SGCD: variants seen among roughly 807,000 people sequenced by gnomAD.
SGCD encodes sarcoglycan delta, also known as delta-sarcoglycan.
A neutral mutation model predicts 36.6 loss-of-function variants in SGCD; 18 were observed. That is an observed-to-expected ratio of 0.49 (90% CI 0.34 to 0.73). The LOEUF is 0.73. Among genes scored for constraint, SGCD ranks in the 30% least tolerant of loss-of-function variants. The pLI is 0.01. For missense variants in SGCD, 387 were observed against 346.7 expected (o/e 1.12, Z -0.92); for synonymous variants, 133 against 130.6 (o/e 1.02, Z -0.12).
intron 3 of SGCD, among the ~76,000 whole-genome samples, chr5:156,317,475 G>T (rs569190943): frequency 1.3e-5 from 2 of 152,032 alleles, no homozygotes; most frequent in African/African-American, 4.8e-5. Flanking sequence ...AAACATGATC[G>T]CAATTTCAAA....
the SGCD span, among the ~76,000 whole-genome samples, chr5:155,775,407 G>A: frequency 1.3e-5 from 2 of 152,072 alleles, no homozygotes; most frequent in Non-Finnish European, 2.9e-5. Flanking sequence ...AGAAACCCAT[G>A]AGACAGAGAC....
chr5:156,146,136 C>T (rs1762706510), intron 3 of SGCD, among the ~76,000 whole-genome samples: 1 of 152,134 alleles, frequency 6.6e-6, no homozygotes, highest in African/African-American at 2.4e-5. Context: ...TGGTGTGAAC[C>T]TGGGAGGTGG....
intron 1 of SGCD, among the ~76,000 whole-genome samples, chr5:155,986,290 G>A (rs939783440): frequency 3.3e-5 from 5 of 152,146 alleles, no homozygotes; most frequent in African/African-American, 1.2e-4. Flanking sequence ...TTATGCTCCT[G>A]AACATTTTCA....
the SGCD span, among the ~76,000 whole-genome samples, chr5:155,839,472 G>T: frequency 1.3e-5 from 2 of 152,158 alleles, no homozygotes; most frequent in Non-Finnish European, 2.9e-5. Context: ...TTGGAGGAGG[G>T]TGTGTGTGAC....
In SGCD at chr5:155,885,462, T is replaced by TA. The variant is rs34256725; in HGVS notation, c.-282+15048dup. Among the ~76,000 whole-genome samples the TA allele has an allele frequency of 1.9e-4, 21 of 110,912 alleles. 6 individuals carry two copies. The highest frequency in any genetic ancestry group is 5.4e-4 in the Admixed American group (5 of 9,312). The allele number at this position is 110,912 out of a possible 152,430, so 72.8% of individuals were successfully genotyped here. A position where few individuals can be genotyped will look rare whatever the true frequency, so the allele number is the denominator to read the frequency against. ...GCATTACGTCTATGTATCATCAAAG[T>TA]AAAAAAAAAATAGTAAAAATACAAT... On this transcript the variant is annotated intron_variant, in intron 1 of 9. Coordinates refer to the SGCD transcript ENST00000517913.
At chr5:156,675,271 A>G (rs550361699) in intron 7 of SGCD, among the ~76,000 whole-genome samples, 7 of 152,340 alleles carry the variant, frequency 4.6e-5, no homozygotes, top group Non-Finnish European at 8.8e-5. Context: ...TACTTCAAAC[A>G]TTACCTAGAA....
chr5:156,231,859 A>G (rs528821394), intron 3 of SGCD, among the ~76,000 whole-genome samples: 1 of 152,308 alleles, frequency 6.6e-6, no homozygotes, highest in South Asian at 2.1e-4. Context: ...TTTTCTTCTC[A>G]GTTATACTTC....
chr5:155,959,023 T>C (rs1757729151), intron 1 of SGCD, among the ~76,000 whole-genome samples: 1 of 152,060 alleles, frequency 6.6e-6, no homozygotes, highest in African/African-American at 2.4e-5. Context: ...CATCACCCTT[T>C]CCTCCTCTCT....
the SGCD span, among the ~76,000 whole-genome samples, chr5:155,816,348 G>A: frequency 6.6e-6 from 1 of 152,202 alleles, no homozygotes; most frequent in East Asian, 1.9e-4. Flanking sequence ...TGTATAATAT[G>A]TATTATAATA....
At chr5:155,818,019 A>G in the SGCD span, among the ~76,000 whole-genome samples, 1 of 152,186 alleles carries the variant, frequency 6.6e-6, no homozygotes, top group Admixed American at 6.5e-5. Context: ...TGCAGAATAT[A>G]TTTTTTCCTT....
the SGCD span, among the ~76,000 whole-genome samples, chr5:155,840,465 ATT>A: frequency 1.0e-5 from 1 of 100,436 alleles, no homozygotes; most frequent in Admixed American, 1.1e-4. Flanking sequence ...TATTTTTTGT[ATT>A]TTTAGTAGAG....
chr5:156,365,696 A>G (rs996560198), intron 3 of SGCD, among the ~76,000 whole-genome samples: 10 of 152,194 alleles, frequency 6.6e-5, no homozygotes, highest in African/African-American at 2.2e-4. Flanking sequence ...ATATGGGCAT[A>G]TATGTGTGTA....
chr5:155,790,765 G>A, the SGCD span, among the ~76,000 whole-genome samples: 1 of 152,062 alleles, frequency 6.6e-6, no homozygotes, highest in African/African-American at 2.4e-5. Flanking sequence ...ATAAAAGCCT[G>A]TGACATACAT....
At chr5:156,695,523 A>G (rs374379889) in intron 7 of SGCD, among the ~76,000 whole-genome samples, 1,377 of 15,806 alleles carry the variant, frequency 0.087, 12 homozygotes, top group Admixed American at 0.14. Flanking sequence ...ATAGATAGAT[A>G]GATAGATAGA....
intron 6 of SGCD, among the ~76,000 whole-genome samples, chr5:156,634,250 C>G (rs767978428): frequency 1.5e-5 from 2 of 136,566 alleles, no homozygotes; most frequent in East Asian, 5.3e-4. Flanking sequence ...CAATGCGTCA[C>G]TGGGGCCTGT....
chr5:156,320,661 A>G (rs771167491), intron 3 of SGCD, among the ~76,000 whole-genome samples: 10 of 152,222 alleles, frequency 6.6e-5, no homozygotes, highest in Non-Finnish European at 1.2e-4. Context: ...TCTGAAAGTA[A>G]TGACTTAGTT....
chr5:156,509,389 G>A (rs1378521656), intron 4 of SGCD, among the ~76,000 whole-genome samples: 1 of 151,994 alleles, frequency 6.6e-6, no homozygotes, highest in Non-Finnish European at 1.5e-5. Context: ...CACGCCACTG[G>A]ACTCCAGCCT....
At chr5:156,036,044 G>C (rs1045900189) in intron 1 of SGCD, among the ~76,000 whole-genome samples, 1 of 152,110 alleles carries the variant, frequency 6.6e-6, no homozygotes, top group Non-Finnish European at 1.5e-5. Flanking sequence ...TCCTTTAAAG[G>C]CTTTTGTGAT....
Position 156,022,334 on chromosome 5 carries a change from A to C in SGCD, c.-281-95544A>C, listed in dbSNP as rs112087771. Among the ~76,000 whole-genome samples, 562 of 152,316 alleles carry C rather than the reference A, an allele frequency of 3.7e-3. 6 individuals are homozygous for C. The highest frequency in any genetic ancestry group is 6.6e-3 in the African/African-American group (274 of 41,578). On this transcript the variant is annotated intron_variant, in intron 1 of 9. Coordinates refer to the SGCD transcript ENST00000517913. ...AGACTTTAAGTACTGAAACGAGCTC[A>C]CCTTTAAAACAGTAGAAATGTGAAA...
Sources: allele counts gnomAD v4.1 joint callset (sites outside exome capture counted in the v4.1 genomes callset), GRCh38; gene constraint gnomAD v4.1.1; transcripts MANE v1.5; gene names NCBI Gene and HGNC (gene_info 2026-07-23, HGNC 2026-07-21).